Variants in DNAH1 observed in about 807,000 individuals in gnomAD.
DNAH1 encodes the protein axonemal beta dynein heavy chain 1.
A neutral mutation model predicts 484.3 loss-of-function variants in DNAH1; 327 were observed. That is an observed-to-expected ratio of 0.68 (90% confidence interval 0.62 to 0.74). DNAH1 has a LOEUF of 0.74. Among genes scored for constraint, DNAH1 ranks in the 30% least tolerant of loss-of-function variants. The probability of loss-of-function intolerance (pLI) is 0.00; values close to 1 mark genes in which losing one functional copy is unlikely to be tolerated. For missense variants in DNAH1, 5,052 were observed against 5,546.8 expected, an observed-to-expected ratio of 0.91 and a Z score of 2.83; for synonymous variants, 2,192 against 2,191.9, an observed-to-expected ratio of 1.00 and a Z score of 0.00.
At chr3:52,399,344 C>T in intron 76 of DNAH1, 143 bp downstream of exon 76, 1 of 1,039,954 alleles carries the variant, frequency 9.6e-7, no homozygotes, top group East Asian at 2.4e-5. Flanking sequence ...GGCCATGAGT[C>T]CCAGGAACGG....
At position 52,352,987 on chromosome 3, in the gene DNAH1, G is replaced by A; in HGVS notation, c.3028-116G>A. 4.4e-6 allele frequency: 5 copies of A among 1,130,690 alleles called. No homozygotes were observed. The South Asian group carries it at 8.0e-5, about 18-fold the overall frequency. 70.0% of individuals were successfully genotyped at this position (1,130,690 alleles called of 1,614,324 possible). ...GCCCAGGTGTTTGGGGGCACGGTCA[G>A]GGACATCAGCCAGGAGCAAGGGAGA... On this transcript the variant is annotated intron_variant, in intron 18 of 77. Coordinates refer to ENST00000420323, the MANE Select transcript of DNAH1 (RefSeq NM_015512.5).
chr3:52,311,451 C>G (rs569241652), upstream of DNAH1, among the ~76,000 whole-genome samples: 1 of 152,218 alleles, frequency 6.6e-6, no homozygotes, highest in Admixed American at 6.5e-5. Flanking sequence ...GAAAATGAGG[C>G]CCAGAGATGA....
chr3:52,365,141 G>A (rs951268653), intron 34 of DNAH1, 122 bp downstream of exon 34: 7 of 1,323,296 alleles, frequency 5.3e-6, no homozygotes, highest in Non-Finnish European at 7.0e-6. Flanking sequence ...CAAGTGTGCT[G>A]CAGGCCCGGG....
rs997925106 is a variant in DNAH1, at chr3:52,381,405, G to T, written c.7609-235G>T. Among the ~76,000 whole-genome samples the T allele has an allele frequency of 6.6e-6, 1 of 152,138 alleles. No individual in the cohort carries two copies. The highest frequency in any genetic ancestry group is 1.5e-5 in the Non-Finnish European group (1 of 68,022). On this transcript the variant is annotated intron_variant, in intron 48 of 77. Coordinates refer to ENST00000420323, the MANE Select transcript of DNAH1 (RefSeq NM_015512.5). The surrounding 1 kb of genome is among the most constrained non-coding windows in gnomAD (Gnocchi z 4.1). ...TGGGATTACAGGCGTGAGCCACCGC[G>T]CTAGGCCAATCCCTCAGTGTTTTGA... is the stretch of plus-strand genomic sequence containing the variant.
chr3:52,384,012 A>G lies in DNAH1; in HGVS notation c.8303A>G (p.Gln2768Arg), dbSNP rs745385424. The change falls in exon 52 of 78, where the codon CAG (glutamine) becomes CGG (arginine). Residue 2768 changes from glutamine (Q) to arginine (R), a missense_variant. Gln to Arg is a conservative substitution (Grantham distance 43). This residue lies in a region of DNAH1 where 2,929 missense variants were observed against 3,409.4 expected (regional missense o/e 0.86). Coordinates refer to ENST00000420323, the MANE Select transcript of DNAH1 (RefSeq NM_015512.5). ...GAGATCCCAGAACTGGAATCCTCCC[A>G]GGAAGAAATCCAAGGACTGGTGGGT... ...LNEIPELESS[Q>R]EEIQGLIQVC... 1.2e-6 allele frequency: 2 copies of G among 1,607,358 alleles called. No individual in the cohort carries two copies. The highest frequency in any genetic ancestry group is 2.2e-5 in the South Asian group (2 of 89,816).
rs370365338 is a variant in DNAH1, at chr3:52,355,093, C to T, written c.3693+38C>T. 4 of 1,595,506 alleles carry T rather than the reference C, an allele frequency of 2.5e-6. No individual in the cohort carries two copies. The highest frequency in any genetic ancestry group is 1.7e-5 in the Admixed American group (1 of 59,946). ...CCCAGTCCTTCCCTCATCGCTCCCC[C>T]ACTTCAGAGAGCCCGACCCACAGGT... On this transcript the variant is annotated intron_variant, in intron 21 of 77. Coordinates refer to ENST00000420323, the MANE Select transcript of DNAH1 (RefSeq NM_015512.5). This position sits in a 1 kb window ranked among gnomAD's most constrained non-coding sequence, Gnocchi z 4.5.
Position 52,399,329 on chromosome 3 carries a change from G to A in DNAH1, c.12441+128G>A, listed in dbSNP as rs1028845549. The A allele has an allele frequency of 6.4e-6, 7 of 1,099,768 alleles. No individual in the cohort carries two copies. In the African/African-American group the frequency reaches 9.4e-5, roughly 15 times the overall value. The allele number at this position is 1,099,768 out of a possible 1,614,324, so 68.1% of individuals were successfully genotyped here. ...CCAGGGCATGGAAAGACCCAAGCCA[G>A]AAGAGGCCATGAGTCCCAGGAACGG... On this transcript the variant is annotated intron_variant, in intron 76 of 77. Transcript: ENST00000420323.
chr3:52,370,683 C>T (rs775696337), intron 40 of DNAH1, 35 bp from the exon 41 acceptor site: 3 of 1,596,810 alleles, frequency 1.9e-6, no homozygotes, highest in Middle Eastern at 1.7e-4. Flanking sequence ...TCCTACTGGG[C>T]CTCACAGCCT....
chr3:52,322,619 C>G lies in DNAH1; in HGVS notation c.177C>G (p.Leu59=). The change falls in exon 2 of 78, where the codon CTC becomes CTG. Residue 59 remains leucine, a synonymous_variant. Coordinates refer to ENST00000420323, the MANE Select transcript of DNAH1 (RefSeq NM_015512.5). ...ATCCTCCAGCCCTTGACCCCAAGCT[C>G]CCACATTTACCCCTGCCCCCGGCCC... ...LGNPPALDPK[L]PHLPLPPAPP... The G allele has an allele frequency of 6.2e-7, 1 of 1,613,832 alleles. No individual in the cohort carries two copies. Among genetic ancestry groups the G allele is most frequent in the Non-Finnish European group, 8.5e-7 (1 of 1,179,836 alleles).
chr3:52,317,370 G>A (rs1700984588), intron 1 of DNAH1, among the ~76,000 whole-genome samples: 1 of 152,160 alleles, frequency 6.6e-6, no homozygotes, highest in Non-Finnish European at 1.5e-5. Flanking sequence ...GGAAGCGGCG[G>A]CCTGAGTGGA....
At chr3:52,385,497 G>GCTACACAGA in intron 54 of DNAH1, 50 bp downstream of exon 54, 2 of 1,484,618 alleles carry the variant, frequency 1.3e-6, no homozygotes, top group South Asian at 2.4e-5. Context: ...GAGGAAGCTC[G>GCTACACAGA]GCACCCCCAC....
rs1214514460 is a variant in DNAH1, at chr3:52,358,188, G to A, written c.4086+185G>A. On this transcript the variant is annotated intron_variant, in intron 24 of 77. Transcript: ENST00000420323. The surrounding 1 kb of genome is among the most constrained non-coding windows in gnomAD (Gnocchi z 4.2). ...CAGAATCCCCAGCTCAGGGCTGAGG[G>A]CCCTGGATTTCCAACTCACCAGGCG... Among the ~76,000 whole-genome samples the A allele has an allele frequency of 6.6e-6, 1 of 152,210 alleles. No individual in the cohort carries two copies. The highest frequency in any genetic ancestry group is 1.5e-5 in the Non-Finnish European group (1 of 68,034).
At chr3:52,330,057 A>C (rs1701485892) in intron 6 of DNAH1, among the ~76,000 whole-genome samples, 1 of 151,952 alleles carries the variant, frequency 6.6e-6, no homozygotes, top group African/African-American at 2.4e-5. Flanking sequence ...CAATCCGCCC[A>C]CCTCTGCCTC....
At chr3:52,376,595 C>A (rs762061122) in intron 46 of DNAH1, among the ~76,000 whole-genome samples, 5 of 152,136 alleles carry the variant, frequency 3.3e-5, no homozygotes, top group Non-Finnish European at 7.4e-5. Context: ...GAATGTGGCA[C>A]CCCTCTTCCC....
intron 3 of DNAH1, among the ~76,000 whole-genome samples, chr3:52,324,545 T>C (rs762972387): frequency 3.3e-5 from 5 of 152,118 alleles, no homozygotes; most frequent in Admixed American, 6.5e-5. Context: ...CCAGATGCCC[T>C]GTGGCTGCCC....
Position 52,338,723 on chromosome 3 carries a change from G to T in DNAH1, c.1287-5767G>T, listed in dbSNP as rs1701821906. ...ACTTTGGTTGCCTTGCCTGTGTGAT[G>T]CTTTTAAGAAGTCTGAGGTTGGCCG... is the stretch of plus-strand genomic sequence containing the variant. On this transcript the variant is annotated intron_variant, in intron 8 of 77. Coordinates refer to ENST00000420323, the MANE Select transcript of DNAH1 (RefSeq NM_015512.5). 1.3e-5 allele frequency among the ~76,000 whole-genome samples: 2 copies of T among 152,018 alleles called. 1 individual carries two copies. Among genetic ancestry groups the T allele is most frequent in the South Asian group, 4.2e-4 (2 of 4,816 alleles).
chr3:52,346,446 TATG>T, intron 10 of DNAH1, 23 bp from the exon 11 acceptor site: 9 of 1,589,734 alleles, frequency 5.7e-6, no homozygotes, highest in Non-Finnish European at 7.7e-6. Flanking sequence ...AGGGTGGCCA[TATG>T]ATGATGCCTG....
intron 32 of DNAH1, among the ~76,000 whole-genome samples, chr3:52,363,902 C>T (rs1339547824): frequency 2.6e-5 from 4 of 152,158 alleles, no homozygotes; most frequent in Non-Finnish European, 2.9e-5. Flanking sequence ...AGTGGCAGTT[C>T]ATCACAGTGC....
intron 77 of DNAH1, among the ~76,000 whole-genome samples, 192 bp from the exon 78 acceptor site, chr3:52,400,133 T>C (rs1704844033): frequency 1.3e-5 from 2 of 152,168 alleles, no homozygotes; most frequent in Non-Finnish European, 2.9e-5. Flanking sequence ...GCCATCCCTA[T>C]CTTCAGTCCC....
Sources: allele counts gnomAD v4.1 joint callset (sites outside exome capture counted in the v4.1 genomes callset), GRCh38; gene constraint gnomAD v4.1.1; regional missense constraint gnomAD v4.1.1; non-coding constraint Gnocchi (gnomAD v3.1); transcripts MANE v1.5; gene names NCBI Gene and HGNC (gene_info 2026-07-23, HGNC 2026-07-21).